The following PRKCA variants were observed in gnomAD, a reference collection of about 807,000 sequenced individuals.
The protein encoded by PRKCA is protein kinase C alpha.
PRKCA carries 27 observed loss-of-function variants against 87.0 expected under a neutral mutation model. The ratio of observed to expected loss-of-function variants is 0.31; its 90% CI spans 0.23 to 0.43. The LOEUF is 0.43. PRKCA is among the 20% of genes least tolerant of loss of function. The pLI is 1.00. For synonymous variants in PRKCA, 329 were observed against 311.1 expected, an observed-to-expected ratio of 1.06 and a Z score of -0.61; for missense variants, 518 against 852.3, an observed-to-expected ratio of 0.61 and a Z score of 4.88.
At chr17:66,353,387 A>G (rs564996420) in intron 2 of PRKCA, among the ~76,000 whole-genome samples, 3 of 152,106 alleles carry the variant, frequency 2.0e-5, no homozygotes, top group South Asian at 4.1e-4. Context: ...TTGATTCAGA[A>G]AAGGAGTTTG....
chr17:66,339,795 C>T (rs975364549), intron 2 of PRKCA: 1 of 152,126 alleles, frequency 6.6e-6, no homozygotes, highest in Non-Finnish European at 1.5e-5. Context: ...TTCCAGTTGC[C>T]GAGCAAACAG....
intron 2 of PRKCA, among the ~76,000 whole-genome samples, chr17:66,466,059 C>T (rs538848534): frequency 6.6e-6 from 1 of 152,230 alleles, no homozygotes; most frequent in South Asian, 2.1e-4. Flanking sequence ...TGAGAAGAAA[C>T]AGAGAAGCAT....
Position 66,810,514 on chromosome 17 carries a change from G to A in PRKCA, c.*6477G>A, listed in dbSNP as rs1041705315. 3.3e-5 allele frequency: 5 copies of A among 152,180 alleles called. No homozygotes were observed. The highest frequency in any genetic ancestry group is 5.9e-5 in the Non-Finnish European group (4 of 68,020). 9.4% of individuals were successfully genotyped at this position (152,180 alleles called of 1,614,324 possible). A position where few individuals can be genotyped will look rare whatever the true frequency, so the allele number is the denominator to read the frequency against. On this transcript the variant is annotated 3_prime_UTR_variant, in exon 17 of 17. Coordinates refer to ENST00000413366, the MANE Select transcript of PRKCA (RefSeq NM_002737.3). ...CCCAACTTTGTTTGGAGGAAGAGAC[G>A]GAGGTTGAGGTTTTTCCTTCTGTAT...
At chr17:66,455,887 C>T (rs2143941592) in intron 2 of PRKCA, among the ~76,000 whole-genome samples, 1 of 152,232 alleles carries the variant, frequency 6.6e-6, no homozygotes, top group East Asian at 1.9e-4. Flanking sequence ...AATGTTCCCT[C>T]AAAATTCATG....
At chr17:66,691,286 G>A (rs1303592235) in intron 8 of PRKCA, among the ~76,000 whole-genome samples, 1 of 152,060 alleles carries the variant, frequency 6.6e-6, no homozygotes, top group African/African-American at 2.4e-5. Context: ...AAAATTATTT[G>A]TATAGTTATA....
chr17:66,365,466 C>A (rs1212109911), intron 2 of PRKCA, among the ~76,000 whole-genome samples: 1 of 152,096 alleles, frequency 6.6e-6, no homozygotes, highest in African/African-American at 2.4e-5. Context: ...GAGGAAACTG[C>A]CTGAGATATG....
intron 3 of PRKCA, among the ~76,000 whole-genome samples, chr17:66,549,787 A>G (rs1968270625): frequency 6.6e-6 from 1 of 152,138 alleles, no homozygotes; most frequent in Non-Finnish European, 1.5e-5. Context: ...ATTGCCTCCT[A>G]TGTTGCTGTT....
intron 1 of PRKCA, among the ~76,000 whole-genome samples, chr17:66,303,640 G>T (rs1312459562): frequency 6.6e-6 from 1 of 152,066 alleles, no homozygotes; most frequent in Non-Finnish European, 1.5e-5. Context: ...GCAAACTGTT[G>T]AAAGCTTGCA....
At chr17:66,719,964 A>C (rs557205566) in intron 8 of PRKCA, among the ~76,000 whole-genome samples, 37 of 152,276 alleles carry the variant, frequency 2.4e-4, no homozygotes, top group African/African-American at 8.9e-4. Flanking sequence ...CATATACTCT[A>C]CTCATTGCTT....
At chr17:66,329,267 G>T (rs1055351035) in intron 2 of PRKCA, among the ~76,000 whole-genome samples, 1 of 152,308 alleles carries the variant, frequency 6.6e-6, no homozygotes, top group Non-Finnish European at 1.5e-5. Context: ...TCACTATTAC[G>T]TAGCATGCTA....
At chr17:66,722,669 T>A (rs1973644036) in intron 8 of PRKCA, among the ~76,000 whole-genome samples, 1 of 152,174 alleles carries the variant, frequency 6.6e-6, no homozygotes, top group Admixed American at 6.5e-5. Flanking sequence ...AATTTTCAAA[T>A]GAGGAGGGAA....
Position 66,303,004 on chromosome 17 carries a change from C to G in PRKCA, c.153C>G (p.Ser51Arg). 6.2e-7 allele frequency: 1 copy of G among 1,610,564 alleles called. No homozygotes were observed. The highest frequency in any genetic ancestry group is 1.1e-5 in the South Asian group (1 of 90,470). ...TCTTCAAGCAGCCCACCTTCTGCAG[C>G]CACTGCACCGACTTCATCTGGTAGG... is the stretch of plus-strand genomic sequence containing the variant. ...ARFFKQPTFCSHCTDFIWGFG... is the reference protein window; with the variant it reads ...ARFFKQPTFCRHCTDFIWGFG... Residue 51 changes from serine to arginine, a missense_variant, in exon 1 of 17, where the codon AGC (serine) becomes AGG (arginine). Physicochemically the swap from Ser to Arg is moderately radical, Grantham distance 110 (BLOSUM62 -1). Around this residue, in one of 5 missense-constraint regions of PRKCA, gnomAD observed 25 missense variants for 72.1 expected, o/e 0.35. Coordinates refer to ENST00000413366, the MANE Select transcript of PRKCA (RefSeq NM_002737.3).
At chr17:66,562,592 TTTG>T (rs1555619923) in intron 3 of PRKCA, among the ~76,000 whole-genome samples, 13 of 150,722 alleles carry the variant, frequency 8.6e-5, no homozygotes, top group South Asian at 2.1e-4. Flanking sequence ...TTTGTTTTTT[TTTG>T]TTGTTGTTGT....
At chr17:66,593,689 A>C (rs931789068) in intron 3 of PRKCA, among the ~76,000 whole-genome samples, 2 of 152,234 alleles carry the variant, frequency 1.3e-5, no homozygotes, top group African/African-American at 4.8e-5. Context: ...TGGGAAAAGG[A>C]AACCCCTGCT....
At chr17:66,722,820 C>T (rs1224082862) in intron 8 of PRKCA, among the ~76,000 whole-genome samples, 1 of 152,124 alleles carries the variant, frequency 6.6e-6, no homozygotes, top group Admixed American at 6.5e-5. Context: ...CTGTGAGGTA[C>T]TTTAGTCCCA....
intron 3 of PRKCA, among the ~76,000 whole-genome samples, chr17:66,545,162 A>C (rs561833084): frequency 5.9e-5 from 9 of 152,186 alleles, no homozygotes; most frequent in East Asian, 1.9e-4. Context: ...GGCGCAGTGA[A>C]TCACGCCTGT....
chr17:66,414,370 C>T (rs1223898848), intron 2 of PRKCA, among the ~76,000 whole-genome samples: 1 of 152,190 alleles, frequency 6.6e-6, no homozygotes, highest in African/African-American at 2.4e-5. Context: ...GAAAATGCCT[C>T]CCTCCCGCTT....
intron 2 of PRKCA, among the ~76,000 whole-genome samples, chr17:66,406,490 A>T (rs1320529852): frequency 6.6e-6 from 1 of 151,662 alleles, no homozygotes; most frequent in Non-Finnish European, 1.5e-5. Context: ...TTTCTGTATC[A>T]TGCCTGGAAA....
chr17:66,381,416 C>T (rs1469730856), intron 2 of PRKCA, among the ~76,000 whole-genome samples: 1 of 152,148 alleles, frequency 6.6e-6, no homozygotes, highest in African/African-American at 2.4e-5. Context: ...GGACTAAATC[C>T]ACCTGGTGGA....
Sources: gnomAD v4.1 joint callset for allele counts (sites outside exome capture counted in the v4.1 genomes callset) on GRCh38, gnomAD v4.1.1 for gene constraint, gnomAD v4.1.1 regional missense constraint, MANE v1.5 for transcripts, NCBI Gene and HGNC (gene_info 2026-07-23, HGNC 2026-07-21) for gene names.